Variants in ZFYVE9 observed in about 807,000 individuals in gnomAD.
ZFYVE9 encodes the protein zinc finger FYVE domain-containing protein 9.
Under a neutral mutation model 126.7 loss-of-function variants are expected in ZFYVE9, and 43 were observed. That is an observed-to-expected ratio of 0.34 (90% confidence interval 0.27 to 0.44). The LOEUF (loss-of-function observed/expected upper bound fraction) is 0.44, where lower values mean the gene tolerates loss of function less well. Ranked by LOEUF, ZFYVE9 falls within the 20% of genes least tolerant of loss-of-function variation. The pLI is 1.00. For missense variants in ZFYVE9, 1,476 were observed against 1,697.0 expected (o/e 0.87, Z 2.29); for synonymous variants, 521 against 597.4 (o/e 0.87, Z 1.87).
intron 4 of ZFYVE9, among the ~76,000 whole-genome samples, chr1:52,250,852 AG>A (rs1385109301): frequency 6.6e-6 from 1 of 151,614 alleles, no homozygotes; most frequent in East Asian, 1.9e-4. Context: ...TGGGACTAAC[AG>A]GCGTGCACTA....
intron 1 of ZFYVE9, among the ~76,000 whole-genome samples, chr1:52,170,314 T>C (rs1644555199): frequency 6.6e-6 from 1 of 152,182 alleles, no homozygotes; most frequent in Non-Finnish European, 1.5e-5. Flanking sequence ...TCAGTAATAA[T>C]GTCTCCTTTT....
Position 52,312,356 on chromosome 1 carries a change from CT to C in ZFYVE9, c.3438+8434del, listed in dbSNP as rs1205895438. ...ATTAATATGCATAGGCTCTATTACA[CT>C]TTGAGACTCATGAGGTTATTTGGTT... On this transcript the variant is annotated intron_variant, in intron 13 of 18. Transcript: ENST00000287727. 2.0e-5 allele frequency among the ~76,000 whole-genome samples: 3 copies of C among 152,150 alleles called. No homozygotes were observed. The East Asian group carries it at 5.8e-4, about 29-fold the overall frequency.
In ZFYVE9 at chr1:52,239,058, A is replaced by G; in HGVS notation, c.1641A>G (p.Leu547=). The change falls in exon 4 of 19, where the codon TTA becomes TTG. Residue 547 remains leucine (L), a synonymous_variant. Transcript: ENST00000287727. ...GTGACCTAATGAAGAAAAATTATTT[A>G]CATAATTTCTGTAGTCAAGTTCCAT... ...STGDLMKKNY[L]HNFCSQVPSV... The G allele has an allele frequency of 6.2e-7, 1 of 1,614,168 alleles. No homozygotes were observed. Among genetic ancestry groups the G allele is most frequent in the Admixed American group, 1.7e-5 (1 of 60,010 alleles).
chr1:52,251,269 A>G (rs1430347530), intron 4 of ZFYVE9, among the ~76,000 whole-genome samples: 1 of 152,030 alleles, frequency 6.6e-6, no homozygotes, highest in Non-Finnish European at 1.5e-5. Flanking sequence ...ACAGGGTTTC[A>G]CCATGTTGGC....
Position 52,238,572 on chromosome 1 carries a change from A to G in ZFYVE9, c.1155A>G (p.Glu385=), listed in dbSNP as rs774065097. ...YEHEETLGTT[E]FLNMTEHFSE... is the part of the protein sequence containing the mutation. Reference sequence around the variant, plus strand: ...ATGAAGAAACTCTTGGCACTACAGAATTCCTTAATATGACAGAGCATTTCT... The same window carrying G: ...ATGAAGAAACTCTTGGCACTACAGAGTTCCTTAATATGACAGAGCATTTCT... The change falls in exon 4 of 19, where the codon GAA becomes GAG. Residue 385 remains glutamate, a synonymous_variant. Coordinates refer to ENST00000287727, the MANE Select transcript of ZFYVE9 (RefSeq NM_004799.4). 2.9e-5 allele frequency: 47 copies of G among 1,614,072 alleles called. No individual in the cohort carries two copies. The highest frequency in any genetic ancestry group is 4.0e-5 in the Non-Finnish European group (47 of 1,179,954).
intron 1 of ZFYVE9, chr1:52,160,300 C>T: frequency 6.8e-6 from 7 of 1,030,936 alleles, no homozygotes; most frequent in Non-Finnish European, 1.1e-5. Context: ...TTCCAGAATG[C>T]ATCAGTTCAA....
intron 1 of ZFYVE9, among the ~76,000 whole-genome samples, chr1:52,214,725 G>A (rs1166530996): frequency 6.6e-6 from 1 of 152,094 alleles, no homozygotes; most frequent in Admixed American, 6.6e-5. Context: ...CATTTATAGA[G>A]GCTGAGAAGT....
At chr1:52,276,315 T>A (rs1645748342) in intron 8 of ZFYVE9, among the ~76,000 whole-genome samples, 1 of 152,234 alleles carries the variant, frequency 6.6e-6, no homozygotes, top group East Asian at 1.9e-4. Flanking sequence ...GATTATTTGC[T>A]ATTTTTTGAA....
intron 6 of ZFYVE9, 48 bp from the exon 7 acceptor site, chr1:52,268,415 C>G (rs1438770221): frequency 6.4e-7 from 1 of 1,570,286 alleles, no homozygotes; most frequent in Admixed American, 1.8e-5. Flanking sequence ...TGTTAGAAAA[C>G]CTTCCAATGC....
chr1:52,245,776 G>A (rs888715171), intron 4 of ZFYVE9, among the ~76,000 whole-genome samples: 2 of 152,062 alleles, frequency 1.3e-5, no homozygotes, highest in African/African-American at 2.4e-5. Context: ...AAACTGATAC[G>A]GTAGGACCCT....
chr1:52,252,034 A>C (rs1389475154), intron 4 of ZFYVE9: 1 of 163,040 alleles, frequency 6.1e-6, no homozygotes, highest in East Asian at 1.8e-4. Context: ...ATAAAGTAAT[A>C]TGAACTTAAA....
chr1:52,219,802 T>G (rs980446151), intron 2 of ZFYVE9, among the ~76,000 whole-genome samples: 23 of 131,144 alleles, frequency 1.8e-4, no homozygotes, highest in South Asian at 2.5e-4. Context: ...TGTGTGTGTG[T>G]GGCAGAGTCT....
intron 1 of ZFYVE9, among the ~76,000 whole-genome samples, chr1:52,172,720 C>G (rs1300528682): frequency 1.3e-5 from 2 of 151,474 alleles, no homozygotes; most frequent in Admixed American, 1.3e-4. Context: ...CCTTCACGTC[C>G]CTTGTAAGTT....
At chr1:52,277,983 G>T (rs1645764675) in intron 8 of ZFYVE9, among the ~76,000 whole-genome samples, 1 of 151,952 alleles carries the variant, frequency 6.6e-6, no homozygotes, top group South Asian at 2.1e-4. Flanking sequence ...TTATTTTCTG[G>T]GTTCATTTTT....
At chr1:52,216,113 C>G (rs560860895) in intron 1 of ZFYVE9, among the ~76,000 whole-genome samples, 1 of 149,604 alleles carries the variant, frequency 6.7e-6, no homozygotes, top group Admixed American at 6.9e-5. Flanking sequence ...GTTGATGTTT[C>G]TCACTTTGCA....
intron 10 of ZFYVE9, among the ~76,000 whole-genome samples, chr1:52,289,504 G>C (rs964733952): frequency 3.3e-5 from 5 of 152,138 alleles, no homozygotes; most frequent in Admixed American, 3.3e-4. Flanking sequence ...GGTTATATGG[G>C]TTCTTCACTA....
At chr1:52,224,747 T>C (rs1572113405) in intron 2 of ZFYVE9, among the ~76,000 whole-genome samples, 1 of 152,172 alleles carries the variant, frequency 6.6e-6, no homozygotes, top group East Asian at 1.9e-4. Flanking sequence ...AGGGGGAATT[T>C]TATTGTCTGC....
At chr1:52,151,623 C>A (rs1353649171) in intron 1 of ZFYVE9, among the ~76,000 whole-genome samples, 1 of 151,376 alleles carries the variant, frequency 6.6e-6, no homozygotes, top group East Asian at 2.0e-4. Flanking sequence ...TCAAGCAATT[C>A]TCCTGCCTCA....
chr1:52,337,773 T>C lies in ZFYVE9; in HGVS notation c.3672T>C (p.Asp1224=). ...CTTTGGCTTTGTACTGATTCTTAGA[T>C]GGTGTTATGGTCCAGATTACTGCAG... is the stretch of plus-strand genomic sequence containing the variant. ...GYLAKSSIVE[D]GVMVQITAEN... Residue 1224 remains aspartate (D), a splice_region_variant and synonymous_variant, in exon 16 of 19, where the codon GAT becomes GAC. Transcript: ENST00000287727. 6.2e-7 allele frequency: 1 copy of C among 1,613,972 alleles called. No homozygotes were observed. The highest frequency in any genetic ancestry group is 8.5e-7 in the Non-Finnish European group (1 of 1,179,860).
Sources: gnomAD v4.1 joint callset for allele counts (sites outside exome capture counted in the v4.1 genomes callset) on GRCh38, gnomAD v4.1.1 for gene constraint, MANE v1.5 for transcripts, NCBI Gene and HGNC (gene_info 2026-07-23, HGNC 2026-07-21) for gene names.